CNTNAP3: variants seen among roughly 807,000 people sequenced by gnomAD.
The protein encoded by CNTNAP3 is contactin associated protein family member 3.
CNTNAP3 carries 36 observed loss-of-function variants against 92.1 expected under a neutral mutation model. The ratio of observed to expected loss-of-function variants is 0.39; its 90% CI spans 0.30 to 0.52. CNTNAP3 has a LOEUF of 0.52. Among genes scored for constraint, CNTNAP3 ranks in the 20% least tolerant of loss-of-function variants. The probability of loss-of-function intolerance (pLI) is 0.76; values close to 1 mark genes in which losing one functional copy is unlikely to be tolerated. For synonymous variants in CNTNAP3, 232 were observed against 422.3 expected (o/e 0.55, Z 5.53); for missense variants, 534 against 1,069.6 (o/e 0.50, Z 6.98).
At chr9:39,124,380 C>T (rs893833677) in intron 13 of CNTNAP3, among the ~76,000 whole-genome samples, 8 of 151,912 alleles carry the variant, frequency 5.3e-5, no homozygotes, top group African/African-American at 1.9e-4. Context: ...AAAGAAGAAA[C>T]AAGGGCAACA....
chr9:39,124,280 A>T (rs1310974471), intron 13 of CNTNAP3, among the ~76,000 whole-genome samples: 2 of 152,210 alleles, frequency 1.3e-5, no homozygotes, highest in Non-Finnish European at 2.9e-5. Context: ...TGACCAAGAA[A>T]TGTAATTAAT....
chr9:39,125,470 C>T (rs1230406097), intron 13 of CNTNAP3, among the ~76,000 whole-genome samples: 7 of 152,082 alleles, frequency 4.6e-5, no homozygotes, highest in African/African-American at 1.4e-4. Context: ...AACAAACCTG[C>T]ATGTTGTGCA....
Position 39,069,326 on chromosome 9 carries a change from T to C in CNTNAP3, c.*4564A>G, listed in dbSNP as rs1228696586. Among the ~76,000 whole-genome samples the C allele has an allele frequency of 0.081, 11,453 of 141,814 alleles. No homozygotes were observed. Among genetic ancestry groups the C allele is most frequent in the Middle Eastern group, 0.14 (36 of 252 alleles). 93.0% of individuals were successfully genotyped at this position (141,814 alleles called of 152,430 possible). A position where few individuals can be genotyped will look rare whatever the true frequency, so the allele number is the denominator to read the frequency against. ...TTACCTCATTGGCTTGCTTAAGGAG[T>C]TAAAATGTGATATGAGTCATACAAA... On this transcript the variant is annotated 3_prime_UTR_variant, in exon 24 of 24. Coordinates refer to ENST00000297668, the MANE Select transcript of CNTNAP3 (RefSeq NM_033655.5).
chr9:39,094,921 G>A (rs999591102), intron 18 of CNTNAP3, among the ~76,000 whole-genome samples: 12 of 151,406 alleles, frequency 7.9e-5, no homozygotes, highest in Non-Finnish European at 1.5e-4. Flanking sequence ...AATCTGCTGG[G>A]GTTGTATTGT....
chr9:39,114,306 C>T (rs543742336), intron 14 of CNTNAP3, among the ~76,000 whole-genome samples: 34 of 151,990 alleles, frequency 2.2e-4, no homozygotes, highest in African/African-American at 6.3e-4. Context: ...AGGATGGTCT[C>T]GATCTTCTGA....
intron 13 of CNTNAP3, 136 bp downstream of exon 13, chr9:39,132,796 A>T (rs1237322632): frequency 9.7e-7 from 1 of 1,035,454 alleles, no homozygotes. Context: ...GCGGGAAGAG[A>T]AGGAGAGAGT....
intron 13 of CNTNAP3, among the ~76,000 whole-genome samples, chr9:39,121,554 G>A (rs1216878155): frequency 6.6e-6 from 1 of 152,156 alleles, no homozygotes. Flanking sequence ...AGAGACAAGT[G>A]AAAACAGCAT....
chr9:39,130,066 A>C (rs1355328336), intron 13 of CNTNAP3, among the ~76,000 whole-genome samples: 1 of 152,222 alleles, frequency 6.6e-6, no homozygotes, highest in Non-Finnish European at 1.5e-5. Flanking sequence ...CAACCATTCT[A>C]GAAAACAATT....
intron 10 of CNTNAP3, among the ~76,000 whole-genome samples, chr9:39,146,831 T>G (rs1393661510): frequency 6.6e-6 from 1 of 152,214 alleles, no homozygotes; most frequent in Non-Finnish European, 1.5e-5. Flanking sequence ...ACCCCTTATC[T>G]GTCCCTAAGT....
At chr9:39,125,902 C>T (rs2118011432) in intron 13 of CNTNAP3, among the ~76,000 whole-genome samples, 1 of 152,224 alleles carries the variant, frequency 6.6e-6, no homozygotes, top group African/African-American at 2.4e-5. Flanking sequence ...TTCAACACCC[C>T]TCTATGAGTA....
chr9:39,080,417 C>A (rs1825905556), intron 21 of CNTNAP3, among the ~76,000 whole-genome samples: 1 of 135,932 alleles, frequency 7.4e-6, no homozygotes, highest in African/African-American at 2.8e-5. Flanking sequence ...GACACCCCAC[C>A]CCAGCCACTC....
intron 21 of CNTNAP3, among the ~76,000 whole-genome samples, chr9:39,080,891 T>G (rs1323814195): frequency 1.4e-5 from 2 of 139,336 alleles, no homozygotes; most frequent in African/African-American, 5.3e-5. Flanking sequence ...GGTCTCGATC[T>G]CTTGACCTTG....
chr9:39,081,197 A>G (rs201374142), intron 21 of CNTNAP3, among the ~76,000 whole-genome samples: 29,955 of 145,426 alleles, frequency 0.21, 3,352 homozygotes, highest in East Asian at 0.33. Flanking sequence ...GTACTCCCAG[A>G]TTTTAGCCAG....
intron 11 of CNTNAP3, among the ~76,000 whole-genome samples, chr9:39,141,545 T>G (rs1342606544): frequency 1.3e-5 from 2 of 152,210 alleles, no homozygotes; most frequent in East Asian, 3.8e-4. Context: ...AATGTAAATT[T>G]ACTCTAGCAT....
chr9:39,121,043 T>C (rs1401264045), intron 13 of CNTNAP3, among the ~76,000 whole-genome samples: 1 of 152,040 alleles, frequency 6.6e-6, no homozygotes, highest in Non-Finnish European at 1.5e-5. Context: ...ATGTAAACTA[T>C]AATACCAAGC....
At chr9:39,130,310 A>T (rs1821249074) in intron 13 of CNTNAP3, among the ~76,000 whole-genome samples, 2 of 152,028 alleles carry the variant, frequency 1.3e-5, no homozygotes, top group South Asian at 4.2e-4. Flanking sequence ...AGCAATGAAA[A>T]GGAACAAATT....
chr9:39,100,227 G>T, intron 17 of CNTNAP3, 77 bp from the exon 18 acceptor site: 2 of 1,448,712 alleles, frequency 1.4e-6, no homozygotes, highest in Non-Finnish European at 1.8e-6. Flanking sequence ...TCAAACTCAG[G>T]CCTTATGGAG....
intron 23 of CNTNAP3, 53 bp downstream of exon 23, chr9:39,078,332 A>G (rs1415844781): frequency 1.2e-6 from 2 of 1,611,176 alleles, no homozygotes; most frequent in South Asian, 1.1e-5. Context: ...AAGTAATGGT[A>G]TCATTATCTA....
chr9:39,144,472 A>G (rs1377272412), intron 10 of CNTNAP3, 126 bp from the exon 11 acceptor site: 4 of 1,409,780 alleles, frequency 2.8e-6, no homozygotes, highest in East Asian at 2.5e-5. Flanking sequence ...ATAACCCCAC[A>G]TGACGTGATT....
Sources: gnomAD v4.1 joint callset for allele counts (sites outside exome capture counted in the v4.1 genomes callset) on GRCh38, gnomAD v4.1.1 for gene constraint, MANE v1.5 for transcripts, NCBI Gene and HGNC (gene_info 2026-07-23, HGNC 2026-07-21) for gene names.